TRAK1: variants seen among roughly 807,000 people sequenced by gnomAD.
TRAK1 encodes trafficking kinesin protein 1.
In TRAK1, 33 loss-of-function variants were observed where a neutral mutation model predicts 92.1. That is an observed-to-expected ratio of 0.36 (90% CI 0.27 to 0.48). The LOEUF (loss-of-function observed/expected upper bound fraction) is 0.48, where lower values mean the gene tolerates loss of function less well. TRAK1 is among the 20% of genes least tolerant of loss of function. The probability of loss-of-function intolerance (pLI) is 0.99; values close to 1 mark genes in which losing one functional copy is unlikely to be tolerated. For missense variants in TRAK1, 1,123 were observed against 1,257.9 expected (o/e 0.89, Z 1.62); for synonymous variants, 521 against 517.3 (o/e 1.01, Z -0.10).
At chr3:42,092,766 A>ATATTG (rs1705297156) in intron 1 of TRAK1, among the ~76,000 whole-genome samples, 1 of 151,410 alleles carries the variant, frequency 6.6e-6, no homozygotes, top group Non-Finnish European at 1.5e-5. Context: ...ATGTTATGTT[A>ATATTG]TGTTATTTCG....
intron 1 of TRAK1, among the ~76,000 whole-genome samples, chr3:42,114,566 GTGT>G (rs924021467): frequency 2.6e-5 from 4 of 152,150 alleles, no homozygotes; most frequent in African/African-American, 9.7e-5. Flanking sequence ...TTTACTGCAA[GTGT>G]TGTTCCAATT....
At chr3:42,074,676 G>GTTT (rs756876379) in intron 1 of TRAK1, among the ~76,000 whole-genome samples, 3 of 141,538 alleles carry the variant, frequency 2.1e-5, no homozygotes, top group African/African-American at 7.7e-5. Flanking sequence ...TCTCAGACTA[G>GTTT]TTTTTTTTTT....
At chr3:42,152,163 G>T (rs1358186312) in intron 2 of TRAK1, among the ~76,000 whole-genome samples, 1 of 152,148 alleles carries the variant, frequency 6.6e-6, no homozygotes, top group Non-Finnish European at 1.5e-5. Context: ...AATGTTTGTT[G>T]TGGGGGTCTT....
chr3:42,165,697 G>A (rs375902945), intron 2 of TRAK1, among the ~76,000 whole-genome samples: 4 of 152,134 alleles, frequency 2.6e-5, no homozygotes, highest in African/African-American at 9.7e-5. Context: ...CAACTTTCCC[G>A]ATGGGTCAGT....
At position 42,125,428 on chromosome 3, in the gene TRAK1, A is replaced by G. The variant is rs1416295416; in HGVS notation, c.100A>G (p.Asn34Asp). 2 of 1,614,120 alleles carry G rather than the reference A, an allele frequency of 1.2e-6. No homozygotes were observed. The highest frequency in any genetic ancestry group is 1.7e-6 in the Non-Finnish European group (2 of 1,180,010). Residue 34 changes from asparagine to aspartate, a missense_variant, in exon 2 of 16, where the codon AAC (asparagine) becomes GAC (aspartate). Physicochemically the swap from Asn to Asp is conservative, Grantham distance 23. Around this residue, in one of 3 missense-constraint regions of TRAK1, gnomAD observed 686 missense variants for 747.6 expected, o/e 0.92. Coordinates refer to ENST00000327628, the MANE Select transcript of TRAK1 (RefSeq NM_001042646.3). ...GGTTGTCTTGTCTTTAGATGTGTGC[A>G]ACAGCACCGATCTTCCGGAAGTCGA... The part of the protein sequence containing the change: ...LIRTNACDVC[N>D]STDLPEVEII...
chr3:42,203,688 TG>T, intron 13 of TRAK1: 1 of 985,332 alleles, frequency 1.0e-6, no homozygotes, highest in South Asian at 4.7e-5. Context: ...TCAGAACTTC[TG>T]TAAGGCAGAA....
At chr3:42,040,399 T>C (rs11925458) in intron 1 of TRAK1, among the ~76,000 whole-genome samples, 17,456 of 152,226 alleles carry the variant, frequency 0.11, 3,101 homozygotes, top group African/African-American at 0.37. Context: ...AAGAATGTTA[T>C]AGTTTTAGCT....
intron 1 of TRAK1, among the ~76,000 whole-genome samples, chr3:42,053,788 A>C (rs750126437): frequency 6.6e-6 from 1 of 152,094 alleles, no homozygotes; most frequent in East Asian, 1.9e-4. Flanking sequence ...ATGAAACCCC[A>C]CGTGCCGAGG....
At chr3:42,101,246 T>C (rs1014499876) in intron 1 of TRAK1, among the ~76,000 whole-genome samples, 2 of 152,134 alleles carry the variant, frequency 1.3e-5, no homozygotes, top group Non-Finnish European at 2.9e-5. Context: ...GGACATGGAG[T>C]TATGCCGGCC....
chr3:42,099,978 T>G (rs12715376), intron 1 of TRAK1, among the ~76,000 whole-genome samples: 1 of 151,696 alleles, frequency 6.6e-6, no homozygotes, highest in Non-Finnish European at 1.5e-5. Context: ...TGCAGCACCA[T>G]CTAGTGGGCC....
chr3:42,166,456 A>G (rs1007827685), intron 2 of TRAK1, among the ~76,000 whole-genome samples: 13 of 152,192 alleles, frequency 8.5e-5, no homozygotes, highest in Non-Finnish European at 1.2e-4. Flanking sequence ...TGATTACAGC[A>G]TCTAGCAAAC....
chr3:42,181,157 C>T (rs1319129718), intron 3 of TRAK1, among the ~76,000 whole-genome samples: 7 of 152,230 alleles, frequency 4.6e-5, no homozygotes, highest in African/African-American at 1.4e-4. Flanking sequence ...CCTTCCGCAT[C>T]CTTCAGGTGC....
intron 1 of TRAK1, among the ~76,000 whole-genome samples, chr3:42,111,662 T>C (rs1708423427): frequency 6.6e-6 from 1 of 152,180 alleles, no homozygotes; most frequent in African/African-American, 2.4e-5. Context: ...CCCAAAGTGC[T>C]GGGATAACAG....
At chr3:42,095,853 G>C (rs913307649) in intron 1 of TRAK1, among the ~76,000 whole-genome samples, 4 of 152,204 alleles carry the variant, frequency 2.6e-5, no homozygotes, top group African/African-American at 9.6e-5. Context: ...GAGCCTCTGG[G>C]AGGTGGTTAG....
At position 42,223,887 on chromosome 3, in the gene TRAK1, G is replaced by A; in HGVS notation, c.*150G>A. On this transcript the variant is annotated 3_prime_UTR_variant, in exon 16 of 16. Coordinates refer to ENST00000327628, the MANE Select transcript of TRAK1 (RefSeq NM_001042646.3). The surrounding 1 kb of genome is among the most constrained non-coding windows in gnomAD (Gnocchi z 6.1). The stretch of plus-strand genomic sequence containing the variant: ...TAGACAAATCAACCTCGTGCCTAAT[G>A]GAGGAAGTGTGGAAACTTTGTAAAA... 1.1e-6 allele frequency: 1 copy of A among 902,092 alleles called. No homozygotes were observed. The highest frequency in any genetic ancestry group is 1.7e-6 in the Non-Finnish European group (1 of 593,912). 55.9% of individuals were successfully genotyped at this position (902,092 alleles called of 1,614,324 possible). A position where few individuals can be genotyped will look rare whatever the true frequency, so the allele number is the denominator to read the frequency against.
rs377046178 is a variant in TRAK1, at chr3:42,202,654, C to T, written c.1646C>T (p.Thr549Met). 8.1e-6 allele frequency: 13 copies of T among 1,612,974 alleles called. No homozygotes were observed. Among genetic ancestry groups the T allele is most frequent in the Admixed American group, 5.0e-5 (3 of 59,984 alleles). ...ACTGAGAGCATCATGTCCCTGGGCACGCACTCCCGCTTCTCCGAGTTCACC... is the reference window on the plus strand; with the variant it reads ...ACTGAGAGCATCATGTCCCTGGGCATGCACTCCCGCTTCTCCGAGTTCACC... ...TPTESIMSLGTHSRFSEFTGF... is the reference protein window; with the variant it reads ...TPTESIMSLGMHSRFSEFTGF... Residue 549 changes from threonine to methionine, a missense_variant, in exon 13 of 16, where the codon ACG becomes ATG. Coordinates refer to ENST00000327628, the MANE Select transcript of TRAK1 (RefSeq NM_001042646.3). This position sits in a 1 kb window ranked among gnomAD's most constrained non-coding sequence, Gnocchi z 6.1.
chr3:42,184,615 C>A, intron 3 of TRAK1, 70 bp from the exon 4 acceptor site: 2 of 1,424,306 alleles, frequency 1.4e-6, no homozygotes, highest in Non-Finnish European at 2.0e-6. Context: ...TCATTTGACA[C>A]TGAGCACCAT....
chr3:42,213,775 T>TG (rs1709356470), intron 14 of TRAK1, among the ~76,000 whole-genome samples: 1 of 152,310 alleles, frequency 6.6e-6, no homozygotes, highest in African/African-American at 2.4e-5. Context: ...CACAGACCCT[T>TG]GGGTGCAGGC....
At chr3:42,196,927 A>C (rs914443908) in intron 10 of TRAK1, among the ~76,000 whole-genome samples, 1 of 151,388 alleles carries the variant, frequency 6.6e-6, no homozygotes, top group Non-Finnish European at 1.5e-5. Flanking sequence ...AGCAGTAACC[A>C]GTCCTGAACT....
Sources: gnomAD v4.1 joint callset for allele counts (sites outside exome capture counted in the v4.1 genomes callset) on GRCh38, gnomAD v4.1.1 for gene constraint, gnomAD v4.1.1 regional missense constraint, Gnocchi (gnomAD v3.1) non-coding constraint, MANE v1.5 for transcripts, NCBI Gene and HGNC (gene_info 2026-07-23, HGNC 2026-07-21) for gene names.